Variants in CDKAL1 observed in about 807,000 individuals in gnomAD.
CDKAL1 encodes the protein threonylcarbamoyladenosine tRNA methylthiotransferase.
Under a neutral mutation model 68.2 loss-of-function variants are expected in CDKAL1, and 32 were observed. The ratio of observed to expected loss-of-function variants is 0.47; its 90% confidence interval spans 0.35 to 0.63. The LOEUF (loss-of-function observed/expected upper bound fraction) is 0.63. CDKAL1 is among the 30% of genes least tolerant of loss of function. The pLI is 0.00. For missense variants in CDKAL1, 606 were observed against 696.7 expected (o/e 0.87, Z 1.47); for synonymous variants, 234 against 244.3 (o/e 0.96, Z 0.39).
rs1316528392 is a variant in CDKAL1, at chr6:20,583,023, T to C, written c.286+34318T>C. On this transcript the variant is annotated intron_variant, in intron 4 of 15. Coordinates refer to ENST00000274695, the MANE Select transcript of CDKAL1 (RefSeq NM_017774.3). ...TAAGAAAGACTTTCTATGGACTTTA[T>C]TAATAGAAATAGAAAACAATTTCCT... Among the ~76,000 whole-genome samples, 3 of 152,170 alleles carry C rather than the reference T, an allele frequency of 2.0e-5. No homozygotes were observed. The East Asian group carries it at 5.8e-4, about 29-fold the overall frequency.
intron 9 of CDKAL1, among the ~76,000 whole-genome samples, chr6:20,928,098 G>C (rs1763261916): frequency 1.3e-5 from 2 of 152,122 alleles, no homozygotes; most frequent in South Asian, 4.1e-4. Flanking sequence ...TTTCAGGCCA[G>C]GGAAACTATG....
chr6:20,755,106 C>T (rs753981497), intron 6 of CDKAL1, among the ~76,000 whole-genome samples: 37 of 152,140 alleles, frequency 2.4e-4, no homozygotes, highest in Non-Finnish European at 4.4e-4. Flanking sequence ...ATGGAATTAT[C>T]TTATATTTTA....
At chr6:20,942,401 A>G (rs1158323354) in intron 9 of CDKAL1, among the ~76,000 whole-genome samples, 1 of 128,672 alleles carries the variant, frequency 7.8e-6, no homozygotes, top group African/African-American at 2.9e-5. Flanking sequence ...GAGTTTCGCT[A>G]TTTTTGCCCA....
At chr6:20,659,947 A>G (rs1023328686) in intron 5 of CDKAL1, among the ~76,000 whole-genome samples, 1 of 152,090 alleles carries the variant, frequency 6.6e-6, no homozygotes, top group Non-Finnish European at 1.5e-5. Context: ...CCTCCCTGAC[A>G]TTAGAAAGTT....
chr6:20,938,332 C>A (rs1763819060), intron 9 of CDKAL1, among the ~76,000 whole-genome samples: 1 of 152,130 alleles, frequency 6.6e-6, no homozygotes, highest in Admixed American at 6.6e-5. Flanking sequence ...ATCCTGGAAT[C>A]ACCCATTTCT....
At chr6:20,884,359 T>C (rs1360612940) in intron 9 of CDKAL1, among the ~76,000 whole-genome samples, 1 of 152,138 alleles carries the variant, frequency 6.6e-6, no homozygotes, top group Admixed American at 6.5e-5. Flanking sequence ...ATTCTCAACA[T>C]GTTAAAGGAC....
chr6:20,855,489 C>T (rs1202581814), intron 9 of CDKAL1, among the ~76,000 whole-genome samples: 1 of 134,824 alleles, frequency 7.4e-6, no homozygotes, highest in Non-Finnish European at 1.6e-5. Flanking sequence ...GCAGACATGT[C>T]TTGAAAAGCA....
At chr6:21,160,205 C>T (rs181225307) in intron 13 of CDKAL1, among the ~76,000 whole-genome samples, 7 of 152,276 alleles carry the variant, frequency 4.6e-5, no homozygotes, top group Admixed American at 2.0e-4. Context: ...ATCAATAAGT[C>T]GCTTTTGGCT....
chr6:20,767,037 T>G (rs1327603811), intron 7 of CDKAL1, among the ~76,000 whole-genome samples: 1 of 152,196 alleles, frequency 6.6e-6, no homozygotes, highest in African/African-American at 2.4e-5. Flanking sequence ...TCATGTTATA[T>G]TCTTCCTTTA....
chr6:20,977,891 T>C (rs1047482743), intron 10 of CDKAL1, among the ~76,000 whole-genome samples: 5 of 151,492 alleles, frequency 3.3e-5, no homozygotes, highest in Non-Finnish European at 7.4e-5. Context: ...ATATTAATGA[T>C]AATAATAATA....
At chr6:20,878,525 A>C (rs1415784159) in intron 9 of CDKAL1, among the ~76,000 whole-genome samples, 1 of 151,962 alleles carries the variant, frequency 6.6e-6, no homozygotes. Context: ...GGATCACTTG[A>C]GATCAGGAGT....
At chr6:20,543,973 A>G (rs1763487909) in intron 2 of CDKAL1, among the ~76,000 whole-genome samples, 1 of 151,792 alleles carries the variant, frequency 6.6e-6, no homozygotes, top group Non-Finnish European at 1.5e-5. Context: ...CCTGACCTCA[A>G]GTGATCCACA....
In CDKAL1 at chr6:21,070,399, C is replaced by CTTTTTTT. The variant is rs57391327; in HGVS notation, c.1236+5175_1236+5181dup. Reference sequence around the variant, plus strand: ...TGGGCTTTTTTCTTTTTGTTTCTCTCTTTTTTTTTTGGCTCAGTTTTCTCA... The same window carrying CTTTTTTT: ...TGGGCTTTTTTCTTTTTGTTTCTCTCTTTTTTTTTTTTTTTTTGGCTCAGTTTTCTCA... On this transcript the variant is annotated intron_variant, in intron 12 of 15. Transcript: ENST00000274695. Among the ~76,000 whole-genome samples the CTTTTTTT allele has an allele frequency of 6.5e-4, 90 of 139,328 alleles. 1 individual carries two copies. The highest frequency in any genetic ancestry group is 2.0e-3 in the South Asian group (9 of 4,402). 91.4% of individuals were successfully genotyped at this position (139,328 alleles called of 152,430 possible).
At chr6:21,056,717 G>A (rs1313987561) in intron 11 of CDKAL1, among the ~76,000 whole-genome samples, 1 of 152,144 alleles carries the variant, frequency 6.6e-6, no homozygotes, top group African/African-American at 2.4e-5. Flanking sequence ...AGTTAATTGA[G>A]AGCTTTTAAC....
At chr6:21,119,568 T>G (rs1774596917) in intron 13 of CDKAL1, among the ~76,000 whole-genome samples, 1 of 152,202 alleles carries the variant, frequency 6.6e-6, no homozygotes, top group Admixed American at 6.5e-5. Flanking sequence ...GCAGGGTGTG[T>G]GTAGAAATCT....
intron 12 of CDKAL1, among the ~76,000 whole-genome samples, chr6:21,100,355 T>G (rs1773523094): frequency 6.6e-6 from 1 of 152,214 alleles, no homozygotes; most frequent in African/African-American, 2.4e-5. Context: ...GCTGTTTTGG[T>G]GTCCTCTAAG....
At chr6:20,740,643 T>C (rs1051129921) in intron 6 of CDKAL1, among the ~76,000 whole-genome samples, 1 of 152,224 alleles carries the variant, frequency 6.6e-6, no homozygotes, top group Non-Finnish European at 1.5e-5. Flanking sequence ...TGATAGATTT[T>C]TCCTTATTTG....
At chr6:20,541,726 T>C (rs1048039071) in intron 2 of CDKAL1, among the ~76,000 whole-genome samples, 2 of 152,096 alleles carry the variant, frequency 1.3e-5, no homozygotes, top group Admixed American at 6.6e-5. Context: ...AATGGCGCGA[T>C]CTCGGCTAAC....
chr6:20,993,569 A>G (rs1020764943), intron 10 of CDKAL1: 3 of 152,246 alleles, frequency 2.0e-5, no homozygotes, highest in Admixed American at 1.3e-4. Context: ...AGGCAAGCAC[A>G]TACTGAGTGA....
Sources: allele counts gnomAD v4.1 joint callset (sites outside exome capture counted in the v4.1 genomes callset), GRCh38; gene constraint gnomAD v4.1.1; transcripts MANE v1.5; gene names NCBI Gene and HGNC (gene_info 2026-07-23, HGNC 2026-07-21).